Variants in NRXN3 observed in about 807,000 individuals in gnomAD.
NRXN3 encodes the protein neurexin III.
NRXN3 carries 32 observed loss-of-function variants against 137.6 expected under a neutral mutation model. The ratio of observed to expected loss-of-function variants is 0.23; its 90% CI spans 0.18 to 0.31. The LOEUF (loss-of-function observed/expected upper bound fraction) is 0.31. Among genes scored for constraint, NRXN3 ranks in the 10% least tolerant of loss-of-function variants. The probability of loss-of-function intolerance (pLI) is 1.00; values close to 1 mark genes in which losing one functional copy is unlikely to be tolerated. For synonymous variants in NRXN3, 798 were observed against 784.5 expected, an observed-to-expected ratio of 1.02 and a Z score of -0.29; for missense variants, 1,574 against 2,062.5, an observed-to-expected ratio of 0.76 and a Z score of 4.59.
chr14:78,221,883 G>A (rs1448820824), intron 1 of NRXN3, among the ~76,000 whole-genome samples: 1 of 152,200 alleles, frequency 6.6e-6, no homozygotes, highest in Non-Finnish European at 1.5e-5. Context: ...AGCAAATCAT[G>A]TGGCCATGCC....
intron 15 of NRXN3, among the ~76,000 whole-genome samples, chr14:79,448,518 T>C (rs1415019768): frequency 1.3e-5 from 2 of 152,236 alleles, no homozygotes; most frequent in African/African-American, 4.8e-5. Context: ...AGGAGCATAA[T>C]AAATATTTGT....
chr14:78,436,673 A>G (rs1427291113), intron 4 of NRXN3, among the ~76,000 whole-genome samples: 1 of 152,238 alleles, frequency 6.6e-6, no homozygotes, highest in Admixed American at 6.5e-5. Context: ...GATTTATTAT[A>G]TTTAAATGTA....
rs752646136 is a variant in NRXN3 at position 78,664,727 on chromosome 14, C to T, written c.1221+13401C>T. Among the ~76,000 whole-genome samples the T allele has an allele frequency of 5.8e-4, 88 of 152,186 alleles. 1 individual carries two copies. The highest frequency in any genetic ancestry group is 2.8e-4 in the Non-Finnish European group (19 of 68,012). On this transcript the variant is annotated intron_variant, in intron 6 of 20. Transcript: ENST00000335750. ...TTGCAATTGTTATTATAGTCCTCAT[C>T]ACATTGCACTTTAACATGCACTGTG...
At chr14:78,459,196 A>C (rs2153715476) in intron 4 of NRXN3, among the ~76,000 whole-genome samples, 1 of 152,336 alleles carries the variant, frequency 6.6e-6, no homozygotes, top group South Asian at 2.1e-4. Context: ...TAATGGGAAA[A>C]GTATATGAAC....
chr14:79,455,330 G>A (rs2096244058), intron 15 of NRXN3, among the ~76,000 whole-genome samples: 1 of 152,162 alleles, frequency 6.6e-6, no homozygotes, highest in African/African-American at 2.4e-5. Context: ...GGAACACATT[G>A]AAAGTTAGGA....
In NRXN3 at chr14:79,397,355, A is replaced by C. The variant is rs535807168; in HGVS notation, c.3263-69866A>C. 2.0e-5 allele frequency among the ~76,000 whole-genome samples: 3 copies of C among 152,340 alleles called. No individual in the cohort carries two copies. The East Asian group carries it at 5.8e-4, about 29-fold the overall frequency. On this transcript the variant is annotated intron_variant, in intron 15 of 20. Transcript: ENST00000335750. ...TTAAATTGCAAGATAATTGATAACA[A>C]GACCCATGTCTTAATCATCTTTGTT...
chr14:78,588,633 C>T (rs1003628218), intron 4 of NRXN3, among the ~76,000 whole-genome samples: 2 of 152,336 alleles, frequency 1.3e-5, no homozygotes, highest in Middle Eastern at 3.4e-3. Context: ...ATAATACTCG[C>T]TTCTCCTTCC....
chr14:79,760,709 C>T (rs1442281358), intron 19 of NRXN3: 2 of 151,560 alleles, frequency 1.3e-5, no homozygotes, highest in African/African-American at 2.4e-5. Flanking sequence ...TTTCTGCTAA[C>T]TTTGACCAGC....
chr14:79,522,534 G>A (rs933378340), intron 16 of NRXN3, among the ~76,000 whole-genome samples: 1 of 152,122 alleles, frequency 6.6e-6, no homozygotes, highest in African/African-American at 2.4e-5. Flanking sequence ...CAAGACTTAA[G>A]GATATCTTAG....
intron 16 of NRXN3, among the ~76,000 whole-genome samples, chr14:79,574,262 A>G (rs992131102): frequency 2.6e-5 from 4 of 151,970 alleles, no homozygotes; most frequent in African/African-American, 7.3e-5. Flanking sequence ...ACATATATGT[A>G]TATCTGCAAT....
rs558797537 is a variant in NRXN3 at position 79,744,258 on chromosome 14, G to C, written c.4014+46321G>C. Reference sequence around the variant, plus strand: ...AGAAAAAATGTTATGATCAATTTCTGCCTCCAACAAGGAACTACAAATATG... The same window carrying C: ...AGAAAAAATGTTATGATCAATTTCTCCCTCCAACAAGGAACTACAAATATG... On this transcript the variant is annotated intron_variant, in intron 19 of 20. Coordinates refer to ENST00000335750, the MANE Select transcript of NRXN3 (RefSeq NM_001330195.2). Among the ~76,000 whole-genome samples, 3 of 152,268 alleles carry C rather than the reference G, an allele frequency of 2.0e-5. No individual in the cohort carries two copies. In the East Asian group the frequency reaches 5.8e-4, roughly 29 times the overall value.
chr14:78,491,205 G>A (rs1400032932), intron 4 of NRXN3, among the ~76,000 whole-genome samples: 1 of 152,156 alleles, frequency 6.6e-6, no homozygotes, highest in Non-Finnish European at 1.5e-5. Flanking sequence ...CAGATGATGG[G>A]AATTGGGATC....
intron 16 of NRXN3, among the ~76,000 whole-genome samples, chr14:79,494,560 T>C (rs780103128): frequency 3.3e-4 from 50 of 152,218 alleles, no homozygotes; most frequent in Non-Finnish European, 6.0e-4. Context: ...AAAAGGGTAC[T>C]ACTTTTAAAA....
chr14:78,180,637 A>G (rs560958125), intron 1 of NRXN3, among the ~76,000 whole-genome samples: 71 of 152,326 alleles, frequency 4.7e-4, no homozygotes, highest in African/African-American at 1.6e-3. Flanking sequence ...ATTGTCCCAT[A>G]TACACTGAGG....
In NRXN3 at chr14:78,265,352, G is replaced by T. The variant is rs565500316; in HGVS notation, c.710-13293G>T. On this transcript the variant is annotated intron_variant, in intron 2 of 20. Coordinates refer to ENST00000335750, the MANE Select transcript of NRXN3 (RefSeq NM_001330195.2). The stretch of plus-strand genomic sequence containing the variant: ...ACCAGTGGTGGTAGGTGGCATCCTG[G>T]TGCCTGCTAGAGTTGTGGAGAGGGG... Among the ~76,000 whole-genome samples the T allele has an allele frequency of 7.9e-5, 12 of 152,270 alleles. No homozygotes were observed. In the East Asian group the frequency reaches 2.3e-3, roughly 29 times the overall value.
At chr14:78,300,509 C>G (rs558661084) in intron 4 of NRXN3, among the ~76,000 whole-genome samples, 1 of 152,326 alleles carries the variant, frequency 6.6e-6, no homozygotes, top group South Asian at 2.1e-4. Flanking sequence ...TAGGATGTTG[C>G]AATGCTACTG....
Position 79,157,572 on chromosome 14 carries a change from A to T in NRXN3, c.3262+169431A>T, listed in dbSNP as rs117181420. Reference sequence around the variant, plus strand: ...CATGTCCTGTCATGACATGAGCCAAAAGCTGTCATCCTCATAGATTCCCTG... The same window carrying T: ...CATGTCCTGTCATGACATGAGCCAATAGCTGTCATCCTCATAGATTCCCTG... On this transcript the variant is annotated intron_variant, in intron 15 of 20. Transcript: ENST00000335750. Among the ~76,000 whole-genome samples, 19 of 151,960 alleles carry T rather than the reference A, an allele frequency of 1.3e-4. No individual in the cohort carries two copies. In the East Asian group the frequency reaches 3.7e-3, roughly 30 times the overall value.
chr14:78,501,016 A>G (rs755450468), intron 4 of NRXN3, among the ~76,000 whole-genome samples: 3 of 152,138 alleles, frequency 2.0e-5, no homozygotes, highest in African/African-American at 4.8e-5. Context: ...GCAGATGATC[A>G]AGCCTTTCTT....
At chr14:79,508,420 G>A (rs1195074242) in intron 16 of NRXN3, among the ~76,000 whole-genome samples, 8 of 9,914 alleles carry the variant, frequency 8.1e-4, no homozygotes, top group Non-Finnish European at 1.2e-3. Flanking sequence ...ACAGAGTCTC[G>A]CTCTTCTTGC....
Sources: allele counts gnomAD v4.1 joint callset (sites outside exome capture counted in the v4.1 genomes callset), GRCh38; gene constraint gnomAD v4.1.1; transcripts MANE v1.5; gene names NCBI Gene and HGNC (gene_info 2026-07-23, HGNC 2026-07-21).